TBCE: variants seen among roughly 807,000 people sequenced by gnomAD.
TBCE encodes tubulin-specific chaperone E.
TBCE carries 53 observed loss-of-function variants against 77.0 expected under a neutral mutation model. That is an observed-to-expected ratio of 0.69 (90% CI 0.55 to 0.87). The LOEUF is 0.87. Among genes scored for constraint, TBCE ranks in the 40% least tolerant of loss-of-function variants. TBCE has a pLI of 0.00. For synonymous variants in TBCE, 235 were observed against 241.3 expected (o/e 0.97, Z 0.24); for missense variants, 624 against 622.4 (o/e 1.00, Z -0.03).
intron 15 of TBCE, among the ~76,000 whole-genome samples, chr1:235,447,156 T>C (rs897428977): frequency 2.6e-5 from 4 of 152,326 alleles, no homozygotes; most frequent in East Asian, 1.9e-4. Context: ...AAAGAGCAAA[T>C]TGTTAATTAA....
chr1:235,407,128 C>T (rs1281744859), intron 3 of TBCE, among the ~76,000 whole-genome samples: 2 of 151,120 alleles, frequency 1.3e-5, no homozygotes, highest in Admixed American at 1.3e-4. Flanking sequence ...TGCACCTGGC[C>T]CCCGCCTTTT....
intron 15 of TBCE, 101 bp from the exon 16 acceptor site, chr1:235,448,248 A>G: frequency 1.1e-6 from 1 of 879,910 alleles, no homozygotes; most frequent in Middle Eastern, 2.1e-4. Context: ...AAAGACAGAT[A>G]CAGCTATCAT....
intron 2 of TBCE, among the ~76,000 whole-genome samples, chr1:235,394,022 T>G (rs1316569610): frequency 1.3e-5 from 2 of 152,198 alleles, no homozygotes; most frequent in Non-Finnish European, 2.9e-5. Context: ...ATATTGTAGT[T>G]TACTTATTAC....
At chr1:235,407,266 T>G (rs1679497064) in intron 3 of TBCE, among the ~76,000 whole-genome samples, 1 of 151,814 alleles carries the variant, frequency 6.6e-6, no homozygotes, top group African/African-American at 2.4e-5. Context: ...TTGATTTTTT[T>G]GTAGAGATGG....
At chr1:235,406,404 T>C (rs1679429961) in intron 3 of TBCE, among the ~76,000 whole-genome samples, 1 of 152,208 alleles carries the variant, frequency 6.6e-6, no homozygotes, top group Non-Finnish European at 1.5e-5. Context: ...AAAATAAAAA[T>C]AAAATGTGCA....
chr1:235,372,007 G>T (rs1274753786), intron 1 of TBCE, among the ~76,000 whole-genome samples: 1 of 150,458 alleles, frequency 6.6e-6, no homozygotes, highest in South Asian at 2.1e-4. Context: ...TGTACAATAG[G>T]GTCTCCCTCT....
At chr1:235,410,980 G>C (rs1215577753) in intron 3 of TBCE, among the ~76,000 whole-genome samples, 1 of 152,154 alleles carries the variant, frequency 6.6e-6, no homozygotes, top group Non-Finnish European at 1.5e-5. Flanking sequence ...CCTACACAAA[G>C]AGTATAATCA....
Position 235,449,117 on chromosome 1 carries a change from C to T in TBCE, c.*355C>T, listed in dbSNP as rs1682719436. 1 of 283,288 alleles carries T rather than the reference C, an allele frequency of 3.5e-6. No homozygotes were observed. Among genetic ancestry groups the T allele is most frequent in the Admixed American group, 5.0e-5 (1 of 20,018 alleles). The allele number at this position is 283,288 out of a possible 1,614,324, so 17.5% of individuals were successfully genotyped here. On this transcript the variant is annotated 3_prime_UTR_variant, in exon 17 of 17. Coordinates refer to ENST00000642610, the MANE Select transcript of TBCE (RefSeq NM_003193.5). Reference sequence around the variant, plus strand: ...TCATAAGACTAGTTTTAATGGAATTCTCTATTGAAACTACTATTTTAAAGG... The same window carrying T: ...TCATAAGACTAGTTTTAATGGAATTTTCTATTGAAACTACTATTTTAAAGG...
chr1:235,378,319 C>T (rs180686331), intron 1 of TBCE, among the ~76,000 whole-genome samples: 26 of 152,238 alleles, frequency 1.7e-4, no homozygotes, highest in Admixed American at 9.8e-4. Context: ...CTTCTGGGCT[C>T]ACATGATCCT....
At chr1:235,383,294 T>C (rs1452549638) in intron 2 of TBCE, among the ~76,000 whole-genome samples, 4 of 152,286 alleles carry the variant, frequency 2.6e-5, no homozygotes, top group Non-Finnish European at 5.9e-5. Context: ...GACATGGCGA[T>C]GCGGGCTCTT....
chr1:235,391,930 A>G (rs1678413889), intron 2 of TBCE, among the ~76,000 whole-genome samples: 1 of 151,834 alleles, frequency 6.6e-6, no homozygotes, highest in Non-Finnish European at 1.5e-5. Flanking sequence ...TTGCTTAAGC[A>G]TTTTAAATTA....
chr1:235,386,018 A>G (rs1246722597), intron 2 of TBCE, among the ~76,000 whole-genome samples: 1 of 152,130 alleles, frequency 6.6e-6, no homozygotes, highest in East Asian at 1.9e-4. Context: ...CCTGGTGGTG[A>G]CAAAATCTCT....
At chr1:235,383,961 G>A (rs1037670596) in intron 2 of TBCE, among the ~76,000 whole-genome samples, 2 of 152,142 alleles carry the variant, frequency 1.3e-5, no homozygotes, top group Admixed American at 1.3e-4. Context: ...GTTTATCATA[G>A]ATAGCTCTTA....
At chr1:235,438,649 G>A in intron 12 of TBCE, 120 bp from the exon 13 acceptor site, 5 of 1,147,524 alleles carry the variant, frequency 4.4e-6, no homozygotes, top group Non-Finnish European at 6.4e-6. Context: ...ACTAGATCTT[G>A]TCCCTCTCAA....
chr1:235,389,622 C>T (rs771357553), intron 2 of TBCE, among the ~76,000 whole-genome samples: 6 of 152,040 alleles, frequency 3.9e-5, no homozygotes, highest in Non-Finnish European at 7.4e-5. Context: ...TGAGCCACCA[C>T]GCCTGGCCTG....
At chr1:235,374,216 A>G (rs1442011991) in intron 1 of TBCE, among the ~76,000 whole-genome samples, 2 of 145,634 alleles carry the variant, frequency 1.4e-5, no homozygotes, top group African/African-American at 5.3e-5. Flanking sequence ...TCGGCCTCCC[A>G]AAGTACTGGG....
chr1:235,430,540 A>G, intron 6 of TBCE, 165 bp from the exon 7 acceptor site: 1 of 556,692 alleles, frequency 1.8e-6, no homozygotes, highest in Non-Finnish European at 3.2e-6. Flanking sequence ...GGTAGTCTTG[A>G]TTCACTTGAA....
chr1:235,414,493 T>G lies in TBCE; in HGVS notation c.246T>G (p.Leu82=), dbSNP rs759184659. ...PNKVNFGTDF[L]TAIKNRYVLE... The stretch of plus-strand genomic sequence containing the variant: ...AGGTAAATTTTGGAACAGACTTTCT[T>G]ACTGCAATTAAGAACCGCTATGTGT... The change falls in exon 4 of 17, where the codon CTT becomes CTG. Residue 82 remains leucine, a synonymous_variant. Transcript: ENST00000642610. 1.9e-6 allele frequency: 3 copies of G among 1,613,864 alleles called. No homozygotes were observed. Among genetic ancestry groups the G allele is most frequent in the Admixed American group, 1.7e-5 (1 of 59,998 alleles).
At chr1:235,434,045 C>T (rs1010310616) in intron 7 of TBCE, 159 bp from the exon 8 acceptor site, 3 of 729,748 alleles carry the variant, frequency 4.1e-6, no homozygotes. Flanking sequence ...TATCACCCCC[C>T]ACCACTATTC....
Sources: allele counts gnomAD v4.1 joint callset (sites outside exome capture counted in the v4.1 genomes callset), GRCh38; gene constraint gnomAD v4.1.1; transcripts MANE v1.5; gene names NCBI Gene and HGNC (gene_info 2026-07-23, HGNC 2026-07-21).